The following DTNA variants were observed in gnomAD, a reference collection of about 807,000 sequenced individuals.
DTNA encodes the protein dystrophin-related protein 3.
Under a neutral mutation model 100.7 loss-of-function variants are expected in DTNA, and 43 were observed. The observed-to-expected ratio is 0.43, with a 90% CI of 0.33 to 0.55. The LOEUF (loss-of-function observed/expected upper bound fraction) is 0.55, where lower values mean the gene tolerates loss of function less well. DTNA is among the 20% of genes least tolerant of loss of function. DTNA has a pLI of 0.04. For synonymous variants in DTNA, 349 were observed against 347.9 expected (o/e 1.00, Z -0.04); for missense variants, 798 against 953.9 (o/e 0.84, Z 2.15).
chr18:34,625,025 C>T (rs899340997), intron 1 of DTNA, among the ~76,000 whole-genome samples: 4 of 151,146 alleles, frequency 2.6e-5, no homozygotes, highest in Non-Finnish European at 2.9e-5. Context: ...GATGCCACCA[C>T]AGCCAGTTAA....
intron 1 of DTNA, among the ~76,000 whole-genome samples, chr18:34,720,934 C>A (rs2085173149): frequency 6.6e-6 from 1 of 152,160 alleles, no homozygotes; most frequent in African/African-American, 2.4e-5. Context: ...ATAATCTCTG[C>A]AAATGTTATG....
At position 34,806,320 on chromosome 18, in the gene DTNA, T is replaced by C; in HGVS notation, c.448+16T>C. 1 of 1,610,450 alleles carries C rather than the reference T, an allele frequency of 6.2e-7. No individual in the cohort carries two copies. Among genetic ancestry groups the C allele is most frequent in the Non-Finnish European group, 8.5e-7 (1 of 1,176,924 alleles). On this transcript the variant is annotated intron_variant, in intron 5 of 22. Transcript: ENST00000444659. The stretch of plus-strand genomic sequence containing the variant: ...AAATTAAGATGTAAGTTATTATTCC[T>C]TGTGTGTCTGTTTGCTTTTCCTTGC...
chr18:34,638,148 A>T lies in DTNA; in HGVS notation c.-1-117828A>T, dbSNP rs117585483. Among the ~76,000 whole-genome samples, 54 of 152,332 alleles carry T rather than the reference A, an allele frequency of 3.5e-4. No homozygotes were observed. In the East Asian group the frequency reaches 7.1e-3, roughly 20 times the overall value. On this transcript the variant is annotated intron_variant, in intron 1 of 19. Transcript: ENST00000283365. ...CTTGGCATAAGTTAGGAGAGCAAGT[A>T]TTAATCCCCTTTCTGATGCTTGCCT...
chr18:34,565,447 A>G (rs1287578996), intron 1 of DTNA, among the ~76,000 whole-genome samples: 1 of 152,188 alleles, frequency 6.6e-6, no homozygotes, highest in Non-Finnish European at 1.5e-5. Flanking sequence ...TGTTGTAACA[A>G]ATTAACAGAA....
intron 1 of DTNA, among the ~76,000 whole-genome samples, chr18:34,497,774 G>A (rs2039417249): frequency 6.6e-6 from 1 of 151,760 alleles, no homozygotes; most frequent in African/African-American, 2.4e-5. Flanking sequence ...AAAACATGAA[G>A]ATATGTGAGT....
chr18:34,777,625 C>T (rs186716131), intron 3 of DTNA, among the ~76,000 whole-genome samples: 4 of 152,224 alleles, frequency 2.6e-5, no homozygotes, highest in African/African-American at 9.6e-5. Flanking sequence ...ACAATCATGG[C>T]AGAAGGTGAA....
intron 1 of DTNA, among the ~76,000 whole-genome samples, chr18:34,585,438 A>C (rs2049031186): frequency 6.6e-6 from 1 of 152,242 alleles, no homozygotes; most frequent in South Asian, 2.1e-4. Context: ...ATACATTCCC[A>C]TGTGGCTTAC....
chr18:34,723,806 G>A (rs577007029), intron 1 of DTNA, among the ~76,000 whole-genome samples: 4 of 152,182 alleles, frequency 2.6e-5, no homozygotes, highest in African/African-American at 9.6e-5. Context: ...GGCTGAGACA[G>A]GAGAATTACT....
intron 1 of DTNA, among the ~76,000 whole-genome samples, chr18:34,626,058 T>A: frequency 6.6e-6 from 1 of 152,214 alleles, no homozygotes; most frequent in East Asian, 1.9e-4. Flanking sequence ...TAGTGACACG[T>A]GAAAGCAACT....
chr18:34,532,182 A>C (rs986939057), intron 1 of DTNA, among the ~76,000 whole-genome samples: 5 of 152,142 alleles, frequency 3.3e-5, no homozygotes, highest in African/African-American at 1.2e-4. Context: ...AGTTTAAAAC[A>C]GGGCACACTG....
chr18:34,714,120 A>AT (rs1374808042), intron 1 of DTNA, among the ~76,000 whole-genome samples: 1 of 152,172 alleles, frequency 6.6e-6, no homozygotes, highest in East Asian at 1.9e-4. Flanking sequence ...ACCTAACACC[A>AT]TAAAAACCCT....
At chr18:34,830,495 G>A (rs547645514) in intron 11 of DTNA, among the ~76,000 whole-genome samples, 9 of 152,210 alleles carry the variant, frequency 5.9e-5, no homozygotes, top group African/African-American at 1.9e-4. Context: ...TGACATCCTA[G>A]TAATCTACTT....
chr18:34,506,557 G>C (rs544070574), intron 1 of DTNA, among the ~76,000 whole-genome samples: 1 of 152,290 alleles, frequency 6.6e-6, no homozygotes, highest in East Asian at 1.9e-4. Flanking sequence ...CAATAGAGCA[G>C]TTATTGCCTA....
intron 3 of DTNA, 97 bp from the exon 4 acceptor site, chr18:34,793,940 G>C: frequency 7.8e-7 from 1 of 1,276,788 alleles, no homozygotes; most frequent in East Asian, 2.5e-5. Context: ...GCACACATGT[G>C]AGATACCTAG....
At chr18:34,795,350 C>T (rs2094925391) in intron 4 of DTNA, among the ~76,000 whole-genome samples, 1 of 152,114 alleles carries the variant, frequency 6.6e-6, no homozygotes, top group Admixed American at 6.6e-5. Flanking sequence ...TTATTGTCTT[C>T]GTGATATTTA....
rs2046399225 is a variant in DTNA, at chr18:34,559,122, A to G, written c.-2+65608A>G. ...TAACAATAATACATACATGATACCC[A>G]TAATGCCTGATTTCCCTACTTGACT... is the stretch of plus-strand genomic sequence containing the variant. On this transcript the variant is annotated intron_variant, in intron 1 of 19. Transcript: ENST00000283365. Among the ~76,000 whole-genome samples, 4 of 152,228 alleles carry G rather than the reference A, an allele frequency of 2.6e-5. No homozygotes were observed. The South Asian group carries it at 8.3e-4, about 31-fold the overall frequency.
chr18:34,619,112 T>A (rs1457709584), intron 1 of DTNA, among the ~76,000 whole-genome samples: 1 of 152,194 alleles, frequency 6.6e-6, no homozygotes, highest in Non-Finnish European at 1.5e-5. Context: ...AAATATCATT[T>A]AAAAGGTATT....
At chr18:34,723,579 G>A (rs1259299368) in intron 1 of DTNA, among the ~76,000 whole-genome samples, 1 of 151,984 alleles carries the variant, frequency 6.6e-6, no homozygotes, top group East Asian at 1.9e-4. Flanking sequence ...AATGGGCAAG[G>A]GACATAAGAT....
At chr18:34,871,221 C>T (rs767263981) in intron 17 of DTNA, among the ~76,000 whole-genome samples, 47 of 152,164 alleles carry the variant, frequency 3.1e-4, no homozygotes, top group Non-Finnish European at 6.2e-4. Flanking sequence ...TGAAGCATCC[C>T]TCATTTCTGG....
Sources: gnomAD v4.1 joint callset for allele counts (sites outside exome capture counted in the v4.1 genomes callset) on GRCh38, gnomAD v4.1.1 for gene constraint, MANE v1.5 for transcripts, NCBI Gene and HGNC (gene_info 2026-07-23, HGNC 2026-07-21) for gene names.